PSIP1: variants seen among roughly 807,000 people sequenced by gnomAD.
PSIP1 encodes the protein PC4 and SFRS1-interacting protein.
In PSIP1, 19 loss-of-function variants were observed where a neutral mutation model predicts 74.7. The observed-to-expected ratio is 0.25, with a 90% CI of 0.18 to 0.37. The LOEUF is 0.37. Among genes scored for constraint, PSIP1 ranks in the 10% least tolerant of loss-of-function variants. The pLI is 1.00. For missense variants in PSIP1, 601 were observed against 614.3 expected, an observed-to-expected ratio of 0.98 and a Z score of 0.23; for synonymous variants, 222 against 195.3, an observed-to-expected ratio of 1.14 and a Z score of -1.14.
At chr9:15,476,797 G>C (rs2036104946) in intron 8 of PSIP1, among the ~76,000 whole-genome samples, 1 of 152,132 alleles carries the variant, frequency 6.6e-6, no homozygotes, top group Non-Finnish European at 1.5e-5. Context: ...AGTGACACCA[G>C]ACTCCATCAA....
chr9:15,472,788 A>C, intron 9 of PSIP1, 38 bp from the exon 10 acceptor site: 1 of 1,543,456 alleles, frequency 6.5e-7, no homozygotes, highest in South Asian at 1.2e-5. Context: ...TTAACTATAA[A>C]GTCAGTGACT....
At chr9:15,474,774 C>A (rs969180128) in intron 8 of PSIP1, among the ~76,000 whole-genome samples, 14 of 152,022 alleles carry the variant, frequency 9.2e-5, no homozygotes, top group Non-Finnish European at 2.1e-4. Context: ...GAAATAGGCT[C>A]TAGGAGAATC....
chr9:15,470,571 T>TA, intron 10 of PSIP1: 1 of 930,242 alleles, frequency 1.1e-6, no homozygotes, highest in Non-Finnish European at 1.3e-6. Flanking sequence ...TACCTTGGCT[T>TA]AGAGTTCAGG....
chr9:15,493,872 T>C (rs1046511001), intron 3 of PSIP1, among the ~76,000 whole-genome samples: 1 of 152,124 alleles, frequency 6.6e-6, no homozygotes, highest in African/African-American at 2.4e-5. Context: ...GAGGTGTAAT[T>C]TGGGTGGGGA....
chr9:15,478,395 C>G, intron 8 of PSIP1, 82 bp downstream of exon 8: 1 of 1,057,462 alleles, frequency 9.5e-7, no homozygotes, highest in Admixed American at 2.1e-5. Flanking sequence ...TAAGAGAAAA[C>G]TGATAAAATC....
intron 3 of PSIP1, among the ~76,000 whole-genome samples, chr9:15,500,292 G>A (rs903627833): frequency 3.3e-5 from 5 of 151,822 alleles, no homozygotes; most frequent in African/African-American, 7.3e-5. Context: ...GGTGAAACCC[G>A]GTCTCTACTA....
chr9:15,481,910 A>G (rs1287428264), intron 6 of PSIP1, among the ~76,000 whole-genome samples: 1 of 152,208 alleles, frequency 6.6e-6, no homozygotes, highest in Non-Finnish European at 1.5e-5. Flanking sequence ...AGAAAGGACC[A>G]ATGAAGTTAT....
chr9:15,488,605 A>C (rs941418717), intron 4 of PSIP1, among the ~76,000 whole-genome samples: 2 of 152,046 alleles, frequency 1.3e-5, no homozygotes, highest in African/African-American at 2.4e-5. Context: ...TGCAATCGAC[A>C]ATATAAAAAA....
intron 6 of PSIP1, among the ~76,000 whole-genome samples, chr9:15,481,092 C>T (rs1432744472): frequency 1.3e-5 from 2 of 152,160 alleles, no homozygotes; most frequent in African/African-American, 4.8e-5. Flanking sequence ...TCAGAGAACA[C>T]TGAAAATTCC....
intron 10 of PSIP1, 152 bp downstream of exon 10, chr9:15,472,480 T>A: frequency 1.4e-6 from 2 of 1,404,678 alleles, no homozygotes; most frequent in South Asian, 3.4e-5. Context: ...TGAAATAAGA[T>A]CATCATCATA....
intron 2 of PSIP1, among the ~76,000 whole-genome samples, chr9:15,506,858 G>C (rs747170528): frequency 6.6e-6 from 1 of 152,092 alleles, no homozygotes; most frequent in Non-Finnish European, 1.5e-5. Context: ...GACATTGAGG[G>C]TATCAGTCAT....
chr9:15,488,908 C>A (rs1026200474), intron 4 of PSIP1, among the ~76,000 whole-genome samples: 1 of 152,130 alleles, frequency 6.6e-6, no homozygotes, highest in Non-Finnish European at 1.5e-5. Context: ...GTAGTCCCAG[C>A]TACTCGGAAG....
At chr9:15,503,781 C>A (rs1295079491) in intron 3 of PSIP1, among the ~76,000 whole-genome samples, 1 of 152,172 alleles carries the variant, frequency 6.6e-6, no homozygotes, top group Admixed American at 6.5e-5. Context: ...GAGTCTCACT[C>A]TGTTGCCCAG....
intron 4 of PSIP1, among the ~76,000 whole-genome samples, chr9:15,488,914 G>T (rs575183831): frequency 1.3e-5 from 2 of 152,046 alleles, no homozygotes; most frequent in Non-Finnish European, 2.9e-5. Context: ...CCAGCTACTC[G>T]GAAGGCTGAG....
At chr9:15,509,706 T>C (rs1464287993) in intron 2 of PSIP1, among the ~76,000 whole-genome samples, 1 of 152,230 alleles carries the variant, frequency 6.6e-6, no homozygotes, top group Non-Finnish European at 1.5e-5. Context: ...CGCACTTCTC[T>C]GACATCCAAG....
rs61762994 is a variant in PSIP1 at position 15,479,637 on chromosome 9, T to C, written c.507A>G (p.Thr169=). The C allele has an allele frequency of 3.1e-3, 4,957 of 1,611,140 alleles. 119 individuals are homozygous for C. In the East Asian group the frequency reaches 0.043, roughly 14 times the overall value. The change falls in exon 7 of 16, where the codon ACA becomes ACG. Residue 169 remains threonine (T), a synonymous_variant. Transcript: ENST00000380733. ...GACTCACTTTTAGATTAACAGATGC[T>C]GTTGCTGTTGTCACTACTCCTGCCT... ...TEEAGVVTTA[T]ASVNLKVSPK...
rs534211588 is a variant in PSIP1 at position 15,473,175 on chromosome 9, C to A, written c.859-425G>T. The stretch of plus-strand genomic sequence containing the variant: ...ATCTGTAAATCTCTAAGGCTATACA[C>A]AAAATTTTATTTTTCTACACAAAAG... On this transcript the variant is annotated intron_variant, in intron 9 of 15. Coordinates refer to ENST00000380733, the MANE Select transcript of PSIP1 (RefSeq NM_033222.5). Among the ~76,000 whole-genome samples the A allele has an allele frequency of 7.6e-4, 115 of 152,226 alleles. 1 individual carries two copies. Among genetic ancestry groups the A allele is most frequent in the African/African-American group, 2.6e-3 (108 of 41,550 alleles).
intron 10 of PSIP1, among the ~76,000 whole-genome samples, chr9:15,470,196 T>C (rs906990581): frequency 2.6e-5 from 4 of 152,200 alleles, no homozygotes; most frequent in Admixed American, 2.6e-4. Context: ...GATTAAATCA[T>C]ATCTGGCTTT....
Position 15,469,968 on chromosome 9 carries a change from G to A in PSIP1, c.1003C>T (p.Pro335Ser), listed in dbSNP as rs770185407. The A allele has an allele frequency of 5.2e-5, 83 of 1,607,326 alleles. No individual in the cohort carries two copies. The highest frequency in any genetic ancestry group is 7.0e-5 in the Non-Finnish European group (83 of 1,178,086). Residue 335 changes from proline (P) to serine (S), a missense_variant, in exon 11 of 16, where the codon CCA becomes TCA. Physicochemically the swap from Pro to Ser is moderately conservative, Grantham distance 74. This residue lies in a region of PSIP1 where 538 missense variants were observed against 507.6 expected (regional missense o/e 1.06). Coordinates refer to ENST00000380733, the MANE Select transcript of PSIP1 (RefSeq NM_033222.5). Reference protein sequence around the residue: ...EQQNKDEGKKPEVKKVEKKRE... With the variant: ...EQQNKDEGKKSEVKKVEKKRE... ...TTCTTCTCCACTTTCTTAACTTCTG[G>A]CTTCTTTCCTTCATCTTTATTCTGC... is the stretch of plus-strand genomic sequence containing the variant.
Sources: gnomAD v4.1 joint callset for allele counts (sites outside exome capture counted in the v4.1 genomes callset) on GRCh38, gnomAD v4.1.1 for gene constraint, gnomAD v4.1.1 regional missense constraint, MANE v1.5 for transcripts, NCBI Gene and HGNC (gene_info 2026-07-23, HGNC 2026-07-21) for gene names.